The following INSYN2A variants were observed in gnomAD, a reference collection of about 807,000 sequenced individuals.
The protein encoded by INSYN2A is inhibitory synaptic factor 2A.
In INSYN2A, 17 loss-of-function variants were observed where a neutral mutation model predicts 39.4. That is an observed-to-expected ratio of 0.43 (90% CI 0.30 to 0.65). The LOEUF (loss-of-function observed/expected upper bound fraction) is 0.65. Ranked by LOEUF, INSYN2A falls within the 30% of genes least tolerant of loss-of-function variation. The pLI is 0.14. For missense variants in INSYN2A, 595 were observed against 631.2 expected, an observed-to-expected ratio of 0.94 and a Z score of 0.61; for synonymous variants, 255 against 265.7, an observed-to-expected ratio of 0.96 and a Z score of 0.39.
chr10:127,162,781 G>C (rs1268428863), intron 4 of INSYN2A, among the ~76,000 whole-genome samples: 1 of 152,252 alleles, frequency 6.6e-6, no homozygotes. Flanking sequence ...AGGCCTGCCA[G>C]TCCCAGTTCA....
chr10:127,181,600 A>G (rs1322828586), intron 2 of INSYN2A, among the ~76,000 whole-genome samples: 3 of 152,238 alleles, frequency 2.0e-5, no homozygotes, highest in Admixed American at 6.5e-5. Context: ...CTCACTGTTC[A>G]GACACCTTGG....
chr10:127,164,030 A>C (rs2053836008), intron 4 of INSYN2A, among the ~76,000 whole-genome samples: 1 of 151,882 alleles, frequency 6.6e-6, no homozygotes. Flanking sequence ...ATGCTGGTGG[A>C]TCGTGGCAAA....
At chr10:127,171,794 C>T (rs1226488831) in intron 4 of INSYN2A, among the ~76,000 whole-genome samples, 1 of 152,164 alleles carries the variant, frequency 6.6e-6, no homozygotes, top group African/African-American at 2.4e-5. Flanking sequence ...ACCTCCACCT[C>T]CCGGGTTCAA....
chr10:127,136,054 T>A lies in INSYN2A; in HGVS notation c.*1783A>T, dbSNP rs1417216770. 6.6e-6 allele frequency: 1 copy of A among 152,654 alleles called. No individual in the cohort carries two copies. Among genetic ancestry groups the A allele is most frequent in the African/African-American group, 2.4e-5 (1 of 41,462 alleles). 9.5% of individuals were successfully genotyped at this position (152,654 alleles called of 1,614,324 possible). ...CCAAAATATTTCTCAGTTCCTTTTA[T>A]TGATATTCAGGGATTCGAACTTCAT... On this transcript the variant is annotated 3_prime_UTR_variant, in exon 6 of 6. Transcript: ENST00000522781.
chr10:127,140,105 T>C (rs1024556231), intron 5 of INSYN2A, among the ~76,000 whole-genome samples: 5 of 152,036 alleles, frequency 3.3e-5, no homozygotes, highest in African/African-American at 1.2e-4. Flanking sequence ...CCCAGATTGG[T>C]TTTGGGTTAT....
chr10:127,137,731 C>T lies in INSYN2A; in HGVS notation c.*106G>A. On this transcript the variant is annotated 3_prime_UTR_variant, in exon 6 of 6. Coordinates refer to ENST00000522781, the MANE Select transcript of INSYN2A (RefSeq NM_001039762.3). ...ACGCAGGGCGAGAAGTGGGAGGTGC[C>T]TGAATGGGCACCACAGTTCCCTCGA... The T allele has an allele frequency of 9.3e-7, 1 of 1,075,590 alleles. No homozygotes were observed. The highest frequency in any genetic ancestry group is 1.3e-6 in the Non-Finnish European group (1 of 752,264). 66.6% of individuals were successfully genotyped at this position (1,075,590 alleles called of 1,614,324 possible).
At position 127,159,965 on chromosome 10, in the gene INSYN2A, G is replaced by GA. The variant is rs373779673; in HGVS notation, c.1185-6043dup. On this transcript the variant is annotated intron_variant, in intron 4 of 5. Transcript: ENST00000522781. ...AAGTCAGCAGGGCCCTGGGTGTTAG[G>GA]AAGGGTGTTGAGAAATGTCAGAGAA... is the stretch of plus-strand genomic sequence containing the variant. 7.4e-3 allele frequency among the ~76,000 whole-genome samples: 1,128 copies of GA among 152,272 alleles called. 3 individuals are homozygous for GA. The highest frequency in any genetic ancestry group is 0.01 in the Admixed American group (155 of 15,298).
At chr10:127,144,452 C>T (rs1237420298) in intron 5 of INSYN2A, among the ~76,000 whole-genome samples, 2 of 152,164 alleles carry the variant, frequency 1.3e-5, no homozygotes, top group Non-Finnish European at 2.9e-5. Flanking sequence ...TTTAATTCAT[C>T]TTTTGTCTGC....
chr10:127,152,877 G>A (rs184587320), intron 5 of INSYN2A, among the ~76,000 whole-genome samples: 25 of 152,240 alleles, frequency 1.6e-4, no homozygotes, highest in Admixed American at 1.2e-3. Context: ...AAGGAACCTG[G>A]GCCCTATCTG....
intron 4 of INSYN2A, among the ~76,000 whole-genome samples, chr10:127,156,489 C>T (rs917956115): frequency 5.3e-5 from 8 of 151,200 alleles, no homozygotes; most frequent in African/African-American, 1.5e-4. Flanking sequence ...TAAGAAATTG[C>T]TTTTCTGAAT....
At chr10:127,161,639 G>GC (rs1207668228) in intron 4 of INSYN2A, among the ~76,000 whole-genome samples, 12 of 152,152 alleles carry the variant, frequency 7.9e-5, no homozygotes, top group African/African-American at 2.4e-4. Context: ...CTCTCCAGCT[G>GC]CCCGGCTGCC....
chr10:127,168,170 C>T (rs1214053537), intron 4 of INSYN2A, among the ~76,000 whole-genome samples: 1 of 152,182 alleles, frequency 6.6e-6, no homozygotes, highest in Non-Finnish European at 1.5e-5. Context: ...CTGGTCACCC[C>T]ACCCTATCCC....
intron 4 of INSYN2A, among the ~76,000 whole-genome samples, chr10:127,157,382 A>G (rs866435377): frequency 1.3e-5 from 2 of 152,268 alleles, no homozygotes; most frequent in Non-Finnish European, 2.9e-5. Context: ...AGATGAGGAC[A>G]TGTGTATAAA....
At chr10:127,140,619 C>G (rs2489396) in intron 5 of INSYN2A, among the ~76,000 whole-genome samples, 25 of 48,354 alleles carry the variant, frequency 5.2e-4, no homozygotes, top group Middle Eastern at 0.043. Flanking sequence ...CCAAGTCTCT[C>G]GGTTGAGTTT....
rs144046825 is a variant in INSYN2A, at chr10:127,193,841, G to A, written c.-394-1111C>T. ...ACTGTGGCAAAACAGAGAAGCCCCCGAAGTAAACAGAGTAATAGAGTACCC... is the reference window on the plus strand; with the variant it reads ...ACTGTGGCAAAACAGAGAAGCCCCCAAAGTAAACAGAGTAATAGAGTACCC... On this transcript the variant is annotated intron_variant, in intron 1 of 5. Coordinates refer to ENST00000522781, the MANE Select transcript of INSYN2A (RefSeq NM_001039762.3). Among the ~76,000 whole-genome samples, 1,160 of 152,256 alleles carry A rather than the reference G, an allele frequency of 7.6e-3. 7 individuals are homozygous for A. The highest frequency in any genetic ancestry group is 0.017 in the African/African-American group (693 of 41,554).
chr10:127,148,580 T>C (rs1423125098), intron 5 of INSYN2A, among the ~76,000 whole-genome samples: 26 of 152,154 alleles, frequency 1.7e-4, no homozygotes, highest in Non-Finnish European at 3.8e-4. Context: ...GCCGATGATG[T>C]TTCATTGTTC....
intron 5 of INSYN2A, 81 bp downstream of exon 5, chr10:127,153,771 C>A: frequency 9.1e-7 from 1 of 1,099,444 alleles, no homozygotes; most frequent in Non-Finnish European, 1.4e-6. Context: ...CCAGCATGGC[C>A]CCAGATCGTT....
intron 4 of INSYN2A, among the ~76,000 whole-genome samples, chr10:127,172,091 G>C (rs1343528760): frequency 6.6e-6 from 1 of 152,110 alleles, no homozygotes; most frequent in Non-Finnish European, 1.5e-5. Flanking sequence ...GCATTTTCCT[G>C]TTTTCTTTTT....
chr10:127,191,653 T>C (rs1282190178), intron 2 of INSYN2A, among the ~76,000 whole-genome samples: 1 of 152,164 alleles, frequency 6.6e-6, no homozygotes, highest in Non-Finnish European at 1.5e-5. Flanking sequence ...GTGGGGGATC[T>C]CACATCACCA....
Sources: allele counts gnomAD v4.1 joint callset (sites outside exome capture counted in the v4.1 genomes callset), GRCh38; gene constraint gnomAD v4.1.1; transcripts MANE v1.5; gene names NCBI Gene and HGNC (gene_info 2026-07-23, HGNC 2026-07-21).